SHB: variants seen among roughly 807,000 people sequenced by gnomAD.
The protein encoded by SHB is SH2 domain containing adaptor protein B, also known as SH2 domain-containing adapter protein B.
Under a neutral mutation model 52.3 loss-of-function variants are expected in SHB, and 20 were observed. That is an observed-to-expected ratio of 0.38 (90% CI 0.27 to 0.56). The LOEUF (loss-of-function observed/expected upper bound fraction) is 0.56. Ranked by LOEUF, SHB falls within the 20% of genes least tolerant of loss-of-function variation. The probability of loss-of-function intolerance (pLI) is 0.71; values close to 1 mark genes in which losing one functional copy is unlikely to be tolerated. For missense variants in SHB, 825 were observed against 723.3 expected (o/e 1.14, Z -1.61); for synonymous variants, 397 against 316.5 (o/e 1.25, Z -2.70).
Position 38,067,914 on chromosome 9 carries a change from C to A in SHB, c.717+15G>T. The A allele has an allele frequency of 6.7e-7, 1 of 1,486,308 alleles. No homozygotes were observed. Among genetic ancestry groups the A allele is most frequent in the East Asian group, 2.7e-5 (1 of 36,774 alleles). 92.1% of individuals were successfully genotyped at this position (1,486,308 alleles called of 1,614,324 possible). On this transcript the variant is annotated intron_variant, in intron 1 of 5. Coordinates refer to ENST00000377707, the MANE Select transcript of SHB (RefSeq NM_003028.3). ...TGGCTCTGGAACCTCGGGAAGAGGC[C>A]AAGGGGCACCTTACCTTGTCCTTCT...
At chr9:38,011,574 T>C (rs1017365810) in intron 2 of SHB, among the ~76,000 whole-genome samples, 13 of 152,290 alleles carry the variant, frequency 8.5e-5, no homozygotes, top group Middle Eastern at 6.8e-3. Context: ...CAGTGAAACA[T>C]GGCATCCTGG....
intron 1 of SHB, among the ~76,000 whole-genome samples, chr9:38,054,055 T>G (rs933958331): frequency 6.6e-6 from 1 of 152,200 alleles, no homozygotes; most frequent in Non-Finnish European, 1.5e-5. Flanking sequence ...TCTACCTACA[T>G]AGAAGATGGG....
rs559561490 is a variant in SHB, at chr9:37,996,747, T to C, written c.838+19264A>G. 1.2e-4 allele frequency among the ~76,000 whole-genome samples: 19 copies of C among 152,334 alleles called. No homozygotes were observed. In the East Asian group the frequency reaches 3.7e-3, roughly 29 times the overall value. The stretch of plus-strand genomic sequence containing the variant: ...GCCTAGATCTCCCCTCCTTCTACTG[T>C]AGTCTCTTAATCACCCTGGAGAAGA... On this transcript the variant is annotated intron_variant, in intron 2 of 5. Coordinates refer to ENST00000377707, the MANE Select transcript of SHB (RefSeq NM_003028.3).
intron 4 of SHB, among the ~76,000 whole-genome samples, chr9:37,955,527 G>A (rs181621145): frequency 2.1e-4 from 32 of 152,180 alleles, no homozygotes; most frequent in East Asian, 7.7e-4. Flanking sequence ...GCCCAGGCTC[G>A]ACTGCAGTAG....
intron 2 of SHB, among the ~76,000 whole-genome samples, chr9:37,981,129 T>C (rs533226018): frequency 3.3e-5 from 5 of 152,254 alleles, no homozygotes; most frequent in Non-Finnish European, 7.3e-5. Context: ...CTTTGAAGCT[T>C]TGAAGCCAGG....
At chr9:37,923,879 A>G (rs1832213097) in intron 5 of SHB, among the ~76,000 whole-genome samples, 1 of 152,188 alleles carries the variant, frequency 6.6e-6, no homozygotes, top group Admixed American at 6.5e-5. Context: ...GTGAACCCAG[A>G]GCCCCGGCCC....
intron 2 of SHB, among the ~76,000 whole-genome samples, chr9:38,011,668 A>G (rs1316043875): frequency 1.3e-5 from 2 of 152,178 alleles, no homozygotes; most frequent in East Asian, 1.9e-4. Context: ...TCACTGCCCA[A>G]TGCTGGCTGT....
intron 2 of SHB, among the ~76,000 whole-genome samples, chr9:38,008,320 C>T (rs557262351): frequency 2.0e-5 from 3 of 152,218 alleles, no homozygotes; most frequent in Admixed American, 6.5e-5. Context: ...CTTCTCTCCC[C>T]GCCCACAGCT....
intron 5 of SHB, among the ~76,000 whole-genome samples, chr9:37,942,657 T>G (rs1218234092): frequency 6.6e-6 from 1 of 152,190 alleles, no homozygotes; most frequent in East Asian, 1.9e-4. Flanking sequence ...AAGCATCCCG[T>G]GATGCTCAGG....
At chr9:38,052,325 C>T (rs189755074) in intron 1 of SHB, among the ~76,000 whole-genome samples, 4 of 152,276 alleles carry the variant, frequency 2.6e-5, no homozygotes, top group Non-Finnish European at 4.4e-5. Flanking sequence ...AGGCCTCCTC[C>T]GCCCAACTCT....
chr9:37,995,276 C>G (rs1246760391), intron 2 of SHB, among the ~76,000 whole-genome samples: 1 of 152,224 alleles, frequency 6.6e-6, no homozygotes, highest in African/African-American at 2.4e-5. Context: ...TCATCCCACT[C>G]ATCCTTGTCC....
chr9:37,956,372 G>A (rs1001071632), intron 3 of SHB, among the ~76,000 whole-genome samples: 23 of 152,080 alleles, frequency 1.5e-4, no homozygotes, highest in Non-Finnish European at 2.6e-4. Context: ...ACTGCCTTGG[G>A]GGAACTCTGT....
intron 4 of SHB, among the ~76,000 whole-genome samples, chr9:37,953,182 C>T (rs920316989): frequency 1.3e-5 from 2 of 151,920 alleles, no homozygotes; most frequent in African/African-American, 4.8e-5. Flanking sequence ...GTCTGGGGAC[C>T]GGGGCAGAAA....
intron 2 of SHB, among the ~76,000 whole-genome samples, chr9:37,997,675 T>G (rs1820963170): frequency 6.6e-6 from 1 of 152,038 alleles, no homozygotes; most frequent in African/African-American, 2.4e-5. Flanking sequence ...CCCCAAGTTA[T>G]CTCATCTTTG....
intron 2 of SHB, among the ~76,000 whole-genome samples, chr9:38,004,217 AT>A (rs1200553582): frequency 2.0e-5 from 3 of 152,174 alleles, no homozygotes; most frequent in Non-Finnish European, 4.4e-5. Context: ...TGTGAAGGGC[AT>A]GAGAGCACAG....
At chr9:37,974,872 G>C in intron 2 of SHB, 35 bp from the exon 3 acceptor site, 1 of 1,541,958 alleles carries the variant, frequency 6.5e-7, no homozygotes, top group Non-Finnish European at 9.0e-7. Context: ...GAGATGAAAT[G>C]GATACTGCAC....
intron 4 of SHB, 80 bp downstream of exon 4, chr9:37,955,803 T>A: frequency 7.1e-7 from 1 of 1,408,082 alleles, no homozygotes. Flanking sequence ...TGTGGATTTT[T>A]AAAAGAAGAT....
chr9:37,928,772 G>A (rs927916789), intron 5 of SHB, among the ~76,000 whole-genome samples: 1 of 152,250 alleles, frequency 6.6e-6, no homozygotes, highest in Non-Finnish European at 1.5e-5. Context: ...TTATGTAAAG[G>A]TGTAAGACAC....
At chr9:37,970,459 C>G (rs1258223497) in intron 3 of SHB, among the ~76,000 whole-genome samples, 1 of 151,952 alleles carries the variant, frequency 6.6e-6, no homozygotes, top group Non-Finnish European at 1.5e-5. Flanking sequence ...GCGCTGACTT[C>G]CAGAAACACT....
Sources: gnomAD v4.1 joint callset for allele counts (sites outside exome capture counted in the v4.1 genomes callset) on GRCh38, gnomAD v4.1.1 for gene constraint, MANE v1.5 for transcripts, NCBI Gene and HGNC (gene_info 2026-07-23, HGNC 2026-07-21) for gene names.